FMN2: variants seen among roughly 807,000 people sequenced by gnomAD.
The protein encoded by FMN2 is formin 2.
FMN2 carries 51 observed loss-of-function variants against 142.3 expected under a neutral mutation model. The observed-to-expected ratio is 0.36, with a 90% CI of 0.29 to 0.45. The LOEUF (loss-of-function observed/expected upper bound fraction) is 0.45. FMN2 is among the 20% of genes least tolerant of loss of function. The probability of loss-of-function intolerance (pLI) is 1.00; values close to 1 mark genes in which losing one functional copy is unlikely to be tolerated. For missense variants in FMN2, 1,936 were observed against 2,122.8 expected (o/e 0.91, Z 1.73); for synonymous variants, 882 against 869.8 (o/e 1.01, Z -0.25).
rs1290763218 is a variant in FMN2, at chr1:240,144,745, A to G, written c.1782+21400A>G. On this transcript the variant is annotated intron_variant, in intron 2 of 17. Transcript: ENST00000319653. The stretch of plus-strand genomic sequence containing the variant: ...CCTTCTCCAGCATGTCCACCTGCTC[A>G]ATTTCCATAAGGTCACAGGCCTCAT... 7 of 1,340,382 alleles carry G rather than the reference A, an allele frequency of 5.2e-6. No individual in the cohort carries two copies. The East Asian group carries it at 1.4e-4, about 27-fold the overall frequency. 83.0% of individuals were successfully genotyped at this position (1,340,382 alleles called of 1,614,324 possible). A position where few individuals can be genotyped will look rare whatever the true frequency, so the allele number is the denominator to read the frequency against.
intron 2 of FMN2, among the ~76,000 whole-genome samples, chr1:240,147,333 C>T (rs951226205): frequency 6.6e-6 from 1 of 152,140 alleles, no homozygotes; most frequent in Non-Finnish European, 1.5e-5. Flanking sequence ...TGCCCTTTCT[C>T]CACCCTCCAT....
chr1:240,318,281 C>T (rs1670856950), intron 8 of FMN2, among the ~76,000 whole-genome samples: 1 of 152,194 alleles, frequency 6.6e-6, no homozygotes, highest in African/African-American at 2.4e-5. Context: ...TCACTTAACA[C>T]CTCAATGGGA....
chr1:240,449,471 A>G (rs559247390), intron 16 of FMN2, among the ~76,000 whole-genome samples: 9 of 152,336 alleles, frequency 5.9e-5, no homozygotes, highest in African/African-American at 1.9e-4. Context: ...TGTTTAAGGC[A>G]GACAATACTA....
intron 13 of FMN2, among the ~76,000 whole-genome samples, chr1:240,344,450 GAT>G (rs1558444053): frequency 3.3e-5 from 5 of 152,120 alleles, no homozygotes; most frequent in Non-Finnish European, 5.9e-5. Context: ...TCCCAAAGTT[GAT>G]AAGCCTCAAG....
chr1:240,180,295 G>A (rs182501300), intron 3 of FMN2: 1 of 567,540 alleles, frequency 1.8e-6, no homozygotes, highest in East Asian at 8.0e-5. Context: ...AACTTCTTCT[G>A]TTGTGACTCC....
intron 1 of FMN2, among the ~76,000 whole-genome samples, chr1:240,114,461 C>A (rs1661940183): frequency 6.6e-6 from 1 of 152,052 alleles, no homozygotes; most frequent in Non-Finnish European, 1.5e-5. Context: ...AGCAGGGGCC[C>A]ACCATGTCTG....
intron 2 of FMN2, among the ~76,000 whole-genome samples, chr1:240,155,630 A>C (rs2103281137): frequency 6.6e-6 from 1 of 152,318 alleles, no homozygotes; most frequent in South Asian, 2.1e-4. Context: ...GAGATGAATA[A>C]GAAACACATT....
At position 240,295,222 on chromosome 1, in the gene FMN2, A is replaced by ACACACT. The variant is rs1188239414; in HGVS notation, c.4215+342_4215+343insACTCAC. On this transcript the variant is annotated intron_variant, in intron 8 of 17. Transcript: ENST00000319653. ...CACACACACACACACACACACACAC[A>ACACACT]CACTCACACACACTTAAAATTTTAA... Among the ~76,000 whole-genome samples, 914 of 147,570 alleles carry ACACACT rather than the reference A, an allele frequency of 6.2e-3. 9 individuals carry two copies. The highest frequency in any genetic ancestry group is 0.021 in the African/African-American group (859 of 40,238).
intron 7 of FMN2, among the ~76,000 whole-genome samples, chr1:240,272,370 T>C (rs1208243735): frequency 7.1e-6 from 1 of 140,348 alleles, no homozygotes; most frequent in Non-Finnish European, 1.6e-5. Context: ...GTGTGGTTTT[T>C]GCAAAAAGAT....
chr1:240,367,948 G>T lies in FMN2; in HGVS notation c.4858+12040G>T, dbSNP rs1572237748. 4.6e-5 allele frequency among the ~76,000 whole-genome samples: 7 copies of T among 151,974 alleles called. No individual in the cohort carries two copies. The South Asian group carries it at 1.5e-3, about 31-fold the overall frequency. On this transcript the variant is annotated intron_variant, in intron 14 of 17. Transcript: ENST00000319653. ...ATCACATTTAATTTTACGTCATATG[G>T]ATAATGCTGTTTTAGTTGTTTAGTG...
At chr1:240,393,727 A>C (rs1673685144) in intron 15 of FMN2, among the ~76,000 whole-genome samples, 1 of 152,246 alleles carries the variant, frequency 6.6e-6, no homozygotes, top group Non-Finnish European at 1.5e-5. Flanking sequence ...TCTTGAAGGA[A>C]ATTAAAAGTC....
At chr1:240,460,325 C>T (rs1394909851) in intron 16 of FMN2, among the ~76,000 whole-genome samples, 1 of 152,224 alleles carries the variant, frequency 6.6e-6, no homozygotes, top group African/African-American at 2.4e-5. Context: ...AGCGTGCTGG[C>T]TCGTGCCTGT....
chr1:240,329,119 G>A lies in FMN2; in HGVS notation c.4259G>A (p.Arg1420Gln), dbSNP rs1237723289. ...DELEKIEKHGRSSKDKENAKS... is the reference protein window; with the variant it reads ...DELEKIEKHGQSSKDKENAKS... ...CTCGAAAAAATAGAAAAGCATGGCCGATCTTCCAAAGACAAGGAAAATGCC... is the reference window on the plus strand; with the variant it reads ...CTCGAAAAAATAGAAAAGCATGGCCAATCTTCCAAAGACAAGGAAAATGCC... Residue 1420 changes from arginine (R) to glutamine (Q), a missense_variant, in exon 9 of 18, where the codon CGA becomes CAA. Around this residue, in one of 8 missense-constraint regions of FMN2, gnomAD observed 322 missense variants for 401.6 expected, o/e 0.80. Transcript: ENST00000319653. 12 of 1,613,920 alleles carry A rather than the reference G, an allele frequency of 7.4e-6. No individual in the cohort carries two copies. In the Admixed American group the frequency reaches 1.3e-4, roughly 18 times the overall value.
chr1:240,159,966 T>TACACACAC (rs1367911986), intron 2 of FMN2, among the ~76,000 whole-genome samples: 1 of 110,690 alleles, frequency 9.0e-6, no homozygotes, highest in African/African-American at 4.4e-5. Flanking sequence ...TCTGTGTATA[T>TACACACAC]ATATATATAC....
chr1:240,280,124 T>G (rs1669348632), intron 7 of FMN2, among the ~76,000 whole-genome samples: 4 of 152,136 alleles, frequency 2.6e-5, no homozygotes, highest in Admixed American at 2.0e-4. Context: ...TTTTATGAAT[T>G]TTTAATTTTT....
intron 13 of FMN2, among the ~76,000 whole-genome samples, chr1:240,346,414 C>T (rs900006962): frequency 3.3e-5 from 5 of 151,824 alleles, no homozygotes; most frequent in East Asian, 1.9e-4. Context: ...TAATATTTTC[C>T]GACTGTGCTT....
intron 16 of FMN2, among the ~76,000 whole-genome samples, chr1:240,452,906 A>T (rs747207476): frequency 2.6e-5 from 4 of 152,202 alleles, no homozygotes; most frequent in Non-Finnish European, 5.9e-5. Flanking sequence ...ACCTCTGATT[A>T]GTTTTCTTAA....
Position 240,409,434 on chromosome 1 carries a change from G to A in FMN2, c.4910+16872G>A, listed in dbSNP as rs113099265. ...GCAGGGATTACAGGTGTGAGCCACTGTGCCTGGTATCAACTTCATTTTAAA... is the reference window on the plus strand; with the variant it reads ...GCAGGGATTACAGGTGTGAGCCACTATGCCTGGTATCAACTTCATTTTAAA... On this transcript the variant is annotated intron_variant, in intron 15 of 17. Coordinates refer to ENST00000319653, the MANE Select transcript of FMN2 (RefSeq NM_020066.5). Among the ~76,000 whole-genome samples, 929 of 152,272 alleles carry A rather than the reference G, an allele frequency of 6.1e-3. 6 individuals carry two copies. Among genetic ancestry groups the A allele is most frequent in the African/African-American group, 0.021 (889 of 41,562 alleles).
intron 15 of FMN2, among the ~76,000 whole-genome samples, chr1:240,400,057 G>GA (rs1448594958): frequency 6.6e-6 from 1 of 152,178 alleles, no homozygotes; most frequent in Non-Finnish European, 1.5e-5. Context: ...GAGCAGTTGA[G>GA]AGGGCGTTCG....
Sources: gnomAD v4.1 joint callset for allele counts (sites outside exome capture counted in the v4.1 genomes callset) on GRCh38, gnomAD v4.1.1 for gene constraint, gnomAD v4.1.1 regional missense constraint, MANE v1.5 for transcripts, NCBI Gene and HGNC (gene_info 2026-07-23, HGNC 2026-07-21) for gene names.